MUC17: variants seen among roughly 807,000 people sequenced by gnomAD.
MUC17 encodes mucin-17.
MUC17 carries 190 observed loss-of-function variants against 170.3 expected under a neutral mutation model. That is an observed-to-expected ratio of 1.12 (90% CI 0.99 to 1.26). MUC17 has a LOEUF of 1.26. Ranked by LOEUF, MUC17 falls within the 50% of genes most tolerant of loss-of-function variation. The probability of loss-of-function intolerance (pLI) is 0.00; values close to 1 mark genes in which losing one functional copy is unlikely to be tolerated. For missense variants in MUC17, 6,415 were observed against 5,530.0 expected (o/e 1.16, Z -5.08); for synonymous variants, 2,325 against 2,002.5 (o/e 1.16, Z -4.30).
chr7:101,049,897 G>A (rs1794906387), intron 6 of MUC17, among the ~76,000 whole-genome samples: 2 of 152,160 alleles, frequency 1.3e-5, no homozygotes, highest in Admixed American at 6.5e-5. Flanking sequence ...TTGGGAGGCC[G>A]AGGTGGAAGG....
rs1180961295 is a variant in MUC17 at position 101,041,746 on chromosome 7, G to A, written c.10330G>A (p.Glu3444Lys). Reference protein sequence around the residue: ...TEASSSPTIAEGTSLPTSTTS... With the variant: ...TEASSSPTIAKGTSLPTSTTS... The stretch of plus-strand genomic sequence containing the variant: ...AGCCAGTTCATCTCCTACAATCGCT[G>A]AAGGTACCAGCTTGCCAACCTCAAC... The change falls in exon 3 of 13, where the codon GAA becomes AAA. Residue 3444 changes from glutamate to lysine, a missense_variant. Coordinates refer to ENST00000306151, the MANE Select transcript of MUC17 (RefSeq NM_001040105.2). 1 of 1,613,426 alleles carries A rather than the reference G, an allele frequency of 6.2e-7. No individual in the cohort carries two copies.
In MUC17 at chr7:101,039,064, A is replaced by G. The variant is rs776159800; in HGVS notation, c.7648A>G (p.Thr2550Ala). 10 of 1,612,862 alleles carry G rather than the reference A, an allele frequency of 6.2e-6. No individual in the cohort carries two copies. In the South Asian group the frequency reaches 1.1e-4, roughly 18 times the overall value. The change falls in exon 3 of 13, where the codon ACT (threonine) becomes GCT (alanine). Residue 2550 changes from threonine to alanine, a missense_variant. Physicochemically the swap from Thr to Ala is moderately conservative, Grantham distance 58 (BLOSUM62 0). Coordinates refer to ENST00000306151, the MANE Select transcript of MUC17 (RefSeq NM_001040105.2). ...CTCCAACAGTCCTGTGGTCACTTCT[A>G]CTGAAATCAGTTCATCTGCTACATC... ...VDSNSPVVTSTEISSSATSAE... is the reference protein window; with the variant it reads ...VDSNSPVVTSAEISSSATSAE...
intron 1 of MUC17, among the ~76,000 whole-genome samples, chr7:101,024,552 G>A (rs951641116): frequency 1.3e-5 from 2 of 152,142 alleles, no homozygotes; most frequent in Admixed American, 6.5e-5. Flanking sequence ...CTCCAGTGGG[G>A]AGGTAGTTGC....
chr7:101,030,022 C>A (rs985163721), intron 1 of MUC17, among the ~76,000 whole-genome samples: 9 of 152,072 alleles, frequency 5.9e-5, no homozygotes, highest in African/African-American at 2.2e-4. Context: ...TAAGAAATTC[C>A]ATAAATCTAA....
Position 101,039,610 on chromosome 7 carries a change from TCTC to T in MUC17, c.8197_8199del (p.Pro2733del), listed in dbSNP as rs751019376. On this transcript the variant is annotated inframe_deletion, in exon 3 of 13. Transcript: ENST00000306151. ...CACCACTTCTGCTGAAGCCAGTTCT[TCTC>T]CTACAACTGCTGAAGGTACCAGCAT... 3.7e-6 allele frequency: 6 copies of T among 1,612,648 alleles called. No homozygotes were observed. The highest frequency in any genetic ancestry group is 2.2e-5 in the East Asian group (1 of 44,796).
intron 1 of MUC17, among the ~76,000 whole-genome samples, chr7:101,021,995 T>G (rs1208138799): frequency 2.0e-5 from 3 of 152,078 alleles, no homozygotes; most frequent in African/African-American, 7.2e-5. Flanking sequence ...GGCCCTGCCA[T>G]CACAGATGCC....
At position 101,032,450 on chromosome 7, in the gene MUC17, C is replaced by T. The variant is rs571365213; in HGVS notation, c.1034C>T (p.Pro345Leu). ...ACAAGTACGCCTGCCAGCACCATGC[C>T]GGTTGCCACTTCTGAAATGAGCACA... ...PLTSTPASTM[P>L]VATSEMSTLS... The change falls in exon 3 of 13, where the codon CCG becomes CTG. Residue 345 changes from proline (P) to leucine (L), a missense_variant. By Grantham distance (98) the Pro-to-Leu change is moderately conservative (BLOSUM62 -3). Coordinates refer to ENST00000306151, the MANE Select transcript of MUC17 (RefSeq NM_001040105.2). 9.6e-5 allele frequency: 155 copies of T among 1,613,574 alleles called. No homozygotes were observed. The South Asian group carries it at 1.1e-3, about 11-fold the overall frequency.
Position 101,032,884 on chromosome 7 carries a change from A to G in MUC17, c.1468A>G (p.Ser490Gly). 2 of 1,613,904 alleles carry G rather than the reference A, an allele frequency of 1.2e-6. No homozygotes were observed. The highest frequency in any genetic ancestry group is 1.7e-6 in the Non-Finnish European group (2 of 1,179,966). ...KTQVTTSTEA[S>G]SSPPTAEVNS... ...TCAGGTGACCACTTCTACTGAAGCC[A>G]GTTCATCTCCTCCAACTGCTGAAGT... is the stretch of plus-strand genomic sequence containing the variant. The change falls in exon 3 of 13, where the codon AGT becomes GGT. Residue 490 changes from serine (S) to glycine (G), a missense_variant. Transcript: ENST00000306151.
At position 101,042,834 on chromosome 7, in the gene MUC17, G is replaced by A. The variant is rs116681179; in HGVS notation, c.11418G>A (p.Met3806Ile). The change falls in exon 3 of 13, where the codon ATG becomes ATA. Residue 3806 changes from methionine (M) to isoleucine (I), a missense_variant. By Grantham distance (10) the Met-to-Ile change is conservative. Transcript: ENST00000306151. Reference sequence around the variant, plus strand: ...TTGAAGGCACCACCACCATGCCTATGTCAACTACGAGTGAAAGAAGCACTT... The same window carrying A: ...TTGAAGGCACCACCACCATGCCTATATCAACTACGAGTGAAAGAAGCACTT... ...TTLEGTTTMP[M>I]STTSERSTLL... 1,648 of 1,614,136 alleles carry A rather than the reference G, an allele frequency of 1.0e-3. 13 individuals carry two copies. In the African/African-American group the frequency reaches 0.018, roughly 18 times the overall value.
intron 1 of MUC17, among the ~76,000 whole-genome samples, chr7:101,029,076 T>TAG (rs1794231376): frequency 1.3e-5 from 2 of 151,734 alleles, no homozygotes; most frequent in Non-Finnish European, 2.9e-5. Flanking sequence ...TAATCCCAGC[T>TAG]ACTCGGGAGG....
At chr7:101,051,082 T>C (rs1315416680) in intron 7 of MUC17, among the ~76,000 whole-genome samples, 1 of 151,686 alleles carries the variant, frequency 6.6e-6, no homozygotes, top group Non-Finnish European at 1.5e-5. Context: ...GAAGGAGGCA[T>C]TGGGCAGGCA....
In MUC17 at chr7:101,031,960, G is replaced by A; in HGVS notation, c.544G>A (p.Val182Ile). The change falls in exon 3 of 13, where the codon GTT becomes ATT. Residue 182 changes from valine to isoleucine, a missense_variant. Physicochemically the swap from Val to Ile is conservative, Grantham distance 29. Transcript: ENST00000306151. Reference protein sequence around the residue: ...FEAYTSLTYKVDMSTPLTTST... With the variant: ...FEAYTSLTYKIDMSTPLTTST... ...GGCCTACACATCTTTAACATATAAG[G>A]TTGATATGAGCACACCTCTGACCAC... 1 of 1,614,040 alleles carries A rather than the reference G, an allele frequency of 6.2e-7. No individual in the cohort carries two copies. The highest frequency in any genetic ancestry group is 8.5e-7 in the Non-Finnish European group (1 of 1,180,014).
In MUC17 at chr7:101,039,937, G is replaced by T; in HGVS notation, c.8521G>T (p.Val2841Leu). ...AACTCCTGTTGACACCAGCACACCTGTGACCACTTCTACTAAAGCCAGTTC... is the reference window on the plus strand; with the variant it reads ...AACTCCTGTTGACACCAGCACACCTTTGACCACTTCTACTAAAGCCAGTTC... The part of the protein sequence containing the change: ...STTPVDTSTP[V>L]TTSTKASSSP... The change falls in exon 3 of 13, where the codon GTG (valine) becomes TTG (leucine). Residue 2841 changes from valine (V) to leucine (L), a missense_variant. Physicochemically the swap from Val to Leu is conservative, Grantham distance 32. Transcript: ENST00000306151. 1 of 1,613,620 alleles carries T rather than the reference G, an allele frequency of 6.2e-7. No homozygotes were observed. Among genetic ancestry groups the T allele is most frequent in the East Asian group, 2.2e-5 (1 of 44,878 alleles).
chr7:101,048,834 AC>A lies in MUC17; in HGVS notation c.12536-8del. The A allele has an allele frequency of 6.2e-7, 1 of 1,613,914 alleles. No homozygotes were observed. On this transcript the variant is annotated splice_polypyrimidine_tract_variant and intron_variant, in intron 4 of 12. Coordinates refer to ENST00000306151, the MANE Select transcript of MUC17 (RefSeq NM_001040105.2). ...CAGAGATGCTTTGCTCAGTAAGTCT[AC>A]CCGCCTCAGGGCCACCGGAGACTAT...
chr7:101,058,148 TG>T lies in MUC17; in HGVS notation c.*105del. ...TTCCATGGGAACTCAATGTTCCCATTGTAAGTACAGGAAACAAGCCCTGTAC... is the reference window on the plus strand; with the variant it reads ...TTCCATGGGAACTCAATGTTCCCATTTAAGTACAGGAAACAAGCCCTGTAC... On this transcript the variant is annotated 3_prime_UTR_variant, in exon 13 of 13. Transcript: ENST00000306151. 1 of 1,041,220 alleles carries T rather than the reference TG, an allele frequency of 9.6e-7. No homozygotes were observed. Among genetic ancestry groups the T allele is most frequent in the Non-Finnish European group, 1.5e-6 (1 of 667,932 alleles). 64.5% of individuals were successfully genotyped at this position (1,041,220 alleles called of 1,614,324 possible).
Position 101,038,009 on chromosome 7 carries a change from C to G in MUC17, c.6593C>G (p.Ala2198Gly), listed in dbSNP as rs1270103710. 1 of 1,608,012 alleles carries G rather than the reference C, an allele frequency of 6.2e-7. No homozygotes were observed. Among genetic ancestry groups the G allele is most frequent in the South Asian group, 1.1e-5 (1 of 90,038 alleles). The change falls in exon 3 of 13, where the codon GCC (alanine) becomes GGC (glycine). Residue 2198 changes from alanine to glycine, a missense_variant. Transcript: ENST00000306151. The part of the protein sequence containing the change: ...TSTPVTNSTE[A>G]RSSPTTSEGT... The stretch of plus-strand genomic sequence containing the variant: ...ACACCTGTGACCAATTCTACTGAAG[C>G]CCGTTCATCTCCTACAACTTCTGAA...
intron 5 of MUC17, 113 bp from the exon 6 acceptor site, chr7:101,049,211 G>T: frequency 6.7e-7 from 1 of 1,501,464 alleles, no homozygotes; most frequent in East Asian, 2.3e-5. Context: ...CATTTGATGA[G>T]TGTGCTATGA....
At chr7:101,049,187 G>C in intron 5 of MUC17, 137 bp from the exon 6 acceptor site, 1 of 1,445,610 alleles carries the variant, frequency 6.9e-7, no homozygotes, top group Non-Finnish European at 9.6e-7. Flanking sequence ...CAGGTCTCTG[G>C]AAAGAAACCA....
Position 101,038,623 on chromosome 7 carries a change from C to T in MUC17, c.7207C>T (p.Pro2403Ser), listed in dbSNP as rs1794573087. 1 of 1,614,178 alleles carries T rather than the reference C, an allele frequency of 6.2e-7. No individual in the cohort carries two copies. Among genetic ancestry groups the T allele is most frequent in the Non-Finnish European group, 8.5e-7 (1 of 1,180,040 alleles). Residue 2403 changes from proline (P) to serine (S), a missense_variant, in exon 3 of 13, where the codon CCT becomes TCT. Pro to Ser is a moderately conservative substitution (Grantham distance 74). Coordinates refer to ENST00000306151, the MANE Select transcript of MUC17 (RefSeq NM_001040105.2). The stretch of plus-strand genomic sequence containing the variant: ...AGGAAGCACTCCACTAACAAGTGTG[C>T]CTGTCAGCACCATGCCGGTGGTCAG... ...SEGSTPLTSV[P>S]VSTMPVVSSE...
Sources: gnomAD v4.1 joint callset for allele counts (sites outside exome capture counted in the v4.1 genomes callset) on GRCh38, gnomAD v4.1.1 for gene constraint, MANE v1.5 for transcripts, NCBI Gene and HGNC (gene_info 2026-07-23, HGNC 2026-07-21) for gene names.